The following ROBO1 variants were observed in gnomAD, a reference collection of about 807,000 sequenced individuals.
ROBO1 encodes roundabout guidance receptor 1.
A neutral mutation model predicts 195.9 loss-of-function variants in ROBO1; 149 were observed. The observed-to-expected ratio is 0.76, with a 90% CI of 0.67 to 0.87. The LOEUF (loss-of-function observed/expected upper bound fraction) is 0.87. ROBO1 is among the 40% of genes least tolerant of loss of function. ROBO1 has a pLI of 0.00. For synonymous variants in ROBO1, 816 were observed against 733.2 expected (o/e 1.11, Z -1.82); for missense variants, 1,933 against 2,068.3 (o/e 0.93, Z 1.27).
At chr3:79,054,601 T>G (rs2078767489) in intron 3 of ROBO1, among the ~76,000 whole-genome samples, 1 of 152,106 alleles carries the variant, frequency 6.6e-6, no homozygotes, top group South Asian at 2.1e-4. Flanking sequence ...AATTCTTTTC[T>G]TGGAGCCTGC....
intron 2 of ROBO1, among the ~76,000 whole-genome samples, chr3:79,238,808 G>C (rs1469015950): frequency 6.6e-6 from 1 of 152,120 alleles, no homozygotes; most frequent in African/African-American, 2.4e-5. Flanking sequence ...TCTCAAAGTT[G>C]TTTCTCTTTC....
intron 2 of ROBO1, among the ~76,000 whole-genome samples, chr3:79,512,124 G>T (rs1215896006): frequency 2.6e-5 from 4 of 152,020 alleles, no homozygotes; most frequent in Admixed American, 2.6e-4. Flanking sequence ...CACATCGTCT[G>T]GTGCAACCCA....
intron 2 of ROBO1, among the ~76,000 whole-genome samples, chr3:79,551,960 C>T (rs555591889): frequency 2.6e-5 from 3 of 114,498 alleles, no homozygotes; most frequent in East Asian, 2.9e-4. Flanking sequence ...AGCTCCTGTC[C>T]TTTGATCTCT....
intron 2 of ROBO1, among the ~76,000 whole-genome samples, chr3:79,253,758 C>A (rs758268594): frequency 6.6e-6 from 1 of 152,182 alleles, no homozygotes; most frequent in Non-Finnish European, 1.5e-5. Flanking sequence ...GAGAGAGTAG[C>A]GTGAGTATAT....
At chr3:78,663,951 A>G (rs1477408447) in intron 14 of ROBO1, among the ~76,000 whole-genome samples, 1 of 152,148 alleles carries the variant, frequency 6.6e-6, no homozygotes, top group East Asian at 1.9e-4. Flanking sequence ...CATAACTGCC[A>G]TGATCTGCAT....
In ROBO1 at chr3:79,660,851, G is replaced by A. The variant is rs770663159; in HGVS notation, c.-50-70890C>T. Reference sequence around the variant, plus strand: ...GAAGTCAGAGTCTGTGTTATGCCACGTAGTTACCAAGACCAGTTAAGGTCC... The same window carrying A: ...GAAGTCAGAGTCTGTGTTATGCCACATAGTTACCAAGACCAGTTAAGGTCC... On this transcript the variant is annotated intron_variant, in intron 1 of 30. Transcript: ENST00000464233. Among the ~76,000 whole-genome samples the A allele has an allele frequency of 1.7e-3, 254 of 152,144 alleles. 2 individuals carry two copies. Among genetic ancestry groups the A allele is most frequent in the Middle Eastern group, 0.014 (4 of 294 alleles).
Position 79,761,862 on chromosome 3 carries a change from G to C in ROBO1, c.-51+5890C>G, listed in dbSNP as rs1219105275. ...CTGACTGAATTGGAGAGCAATTGTT[G>C]TGATAAACTCCCTGTTCCTAGTTAC... is the stretch of plus-strand genomic sequence containing the variant. On this transcript the variant is annotated intron_variant, in intron 1 of 30. Transcript: ENST00000464233. Among the ~76,000 whole-genome samples, 4 of 152,138 alleles carry C rather than the reference G, an allele frequency of 2.6e-5. No homozygotes were observed. The South Asian group carries it at 6.2e-4, about 24-fold the overall frequency.
At chr3:79,622,262 C>A (rs7426404) in intron 1 of ROBO1, among the ~76,000 whole-genome samples, 1 of 152,048 alleles carries the variant, frequency 6.6e-6, no homozygotes, top group Non-Finnish European at 1.5e-5. Context: ...AACCCTGGAA[C>A]GCACAAATTC....
intron 2 of ROBO1, among the ~76,000 whole-genome samples, chr3:79,447,132 A>C (rs868316815): frequency 6.6e-6 from 1 of 152,084 alleles, no homozygotes. Context: ...CGCGGCCCAA[A>C]ATGTAAACTT....
At chr3:79,334,308 A>AT (rs1280974089) in intron 2 of ROBO1, among the ~76,000 whole-genome samples, 16 of 124,584 alleles carry the variant, frequency 1.3e-4, no homozygotes, top group East Asian at 1.1e-3. Context: ...TCTAAAAAAA[A>AT]AAAATATATA....
chr3:79,343,326 T>C (rs2034984006), intron 2 of ROBO1, among the ~76,000 whole-genome samples: 1 of 152,144 alleles, frequency 6.6e-6, no homozygotes, highest in Non-Finnish European at 1.5e-5. Flanking sequence ...GCAATAAAAG[T>C]TTCCTGCTTC....
At chr3:79,488,550 AAAG>A (rs1300000811) in intron 2 of ROBO1, among the ~76,000 whole-genome samples, 1 of 152,220 alleles carries the variant, frequency 6.6e-6, no homozygotes, top group Non-Finnish European at 1.5e-5. Context: ...TGACCAATAA[AAAG>A]AATAGAAATC....
chr3:78,777,172 A>T (rs1228853716), intron 4 of ROBO1, among the ~76,000 whole-genome samples: 1 of 152,218 alleles, frequency 6.6e-6, no homozygotes, highest in African/African-American at 2.4e-5. Context: ...ACTTAATTAG[A>T]ATACAGATAA....
At chr3:78,712,738 A>G (rs749401707) in intron 8 of ROBO1, among the ~76,000 whole-genome samples, 2 of 152,196 alleles carry the variant, frequency 1.3e-5, no homozygotes, top group African/African-American at 2.4e-5. Context: ...AGGCTTAGAG[A>G]GCAAGATTTC....
intron 2 of ROBO1, among the ~76,000 whole-genome samples, chr3:79,571,753 G>C (rs968804020): frequency 1.3e-5 from 2 of 152,044 alleles, no homozygotes; most frequent in East Asian, 1.9e-4. Context: ...ATATATCTAT[G>C]TGAGATAGTC....
At chr3:79,147,706 ACT>A (rs772732009) in intron 2 of ROBO1, among the ~76,000 whole-genome samples, 14 of 151,756 alleles carry the variant, frequency 9.2e-5, no homozygotes, top group Non-Finnish European at 8.8e-5. Flanking sequence ...ATAGTTAATG[ACT>A]CTATTGATTT....
intron 3 of ROBO1, among the ~76,000 whole-genome samples, chr3:79,110,621 CTTTTTT>C (rs397877079): frequency 1.6e-5 from 2 of 127,888 alleles, no homozygotes; most frequent in Admixed American, 8.1e-5. Flanking sequence ...AGGGAAATAA[CTTTTTT>C]TTTTTTTTTT....
At chr3:79,600,616 C>T (rs1241836722) in intron 1 of ROBO1, among the ~76,000 whole-genome samples, 1 of 150,914 alleles carries the variant, frequency 6.6e-6, no homozygotes, top group African/African-American at 2.4e-5. Context: ...TCTCTTCCCT[C>T]TGCTTAGTTT....
intron 2 of ROBO1, among the ~76,000 whole-genome samples, chr3:79,355,265 A>G (rs551964343): frequency 6.6e-6 from 1 of 152,182 alleles, no homozygotes; most frequent in East Asian, 1.9e-4. Context: ...GTTAAATTTT[A>G]TTTTTGTTAT....
Sources: gnomAD v4.1 joint callset for allele counts (sites outside exome capture counted in the v4.1 genomes callset) on GRCh38, gnomAD v4.1.1 for gene constraint, MANE v1.5 for transcripts, NCBI Gene and HGNC (gene_info 2026-07-23, HGNC 2026-07-21) for gene names.